Variants in CALN1 observed in about 807,000 individuals in gnomAD.
CALN1 encodes the protein calneuron 1.
A neutral mutation model predicts 30.6 loss-of-function variants in CALN1; 17 were observed. That is an observed-to-expected ratio of 0.56 (90% CI 0.38 to 0.83). The LOEUF is 0.83. Ranked by LOEUF, CALN1 falls within the 40% of genes least tolerant of loss-of-function variation. CALN1 has a pLI of 0.00. For synonymous variants in CALN1, 156 were observed against 131.4 expected, an observed-to-expected ratio of 1.19 and a Z score of -1.28; for missense variants, 291 against 354.9, an observed-to-expected ratio of 0.82 and a Z score of 1.45.
chr7:72,109,919 G>C (rs1158016570), intron 3 of CALN1, among the ~76,000 whole-genome samples: 1 of 152,146 alleles, frequency 6.6e-6, no homozygotes, highest in Non-Finnish European at 1.5e-5. Flanking sequence ...CTCTATAGCA[G>C]GGTTTTACAC....
At chr7:72,367,113 A>T (rs77272510) in intron 2 of CALN1, among the ~76,000 whole-genome samples, 1 of 152,158 alleles carries the variant, frequency 6.6e-6, no homozygotes, top group Admixed American at 6.6e-5. Flanking sequence ...TAATAATAAA[A>T]AAAAACAGGC....
At chr7:72,502,199 G>T in the CALN1 span, among the ~76,000 whole-genome samples, 2 of 149,354 alleles carry the variant, frequency 1.3e-5, no homozygotes, top group African/African-American at 4.9e-5. Context: ...GAGGGACGAG[G>T]TCAGAATATT....
At chr7:72,124,724 CA>C (rs374094874) in intron 3 of CALN1, among the ~76,000 whole-genome samples, 28 of 127,524 alleles carry the variant, frequency 2.2e-4, no homozygotes, top group East Asian at 4.4e-4. Flanking sequence ...ATTGACATAT[CA>C]AAAAAAAAAG....
intron 6 of CALN1, among the ~76,000 whole-genome samples, chr7:71,792,813 T>C (rs1002338037): frequency 1.3e-5 from 2 of 152,036 alleles, no homozygotes; most frequent in African/African-American, 2.4e-5. Context: ...AAACATTGCA[T>C]GACTGGGCTG....
At chr7:72,299,109 TA>T (rs1799071238) in intron 2 of CALN1, among the ~76,000 whole-genome samples, 1 of 152,140 alleles carries the variant, frequency 6.6e-6, no homozygotes, top group Non-Finnish European at 1.5e-5. Context: ...CTCCTTTTCC[TA>T]AACACTTCAC....
At chr7:71,950,415 G>C (rs1796631527) in intron 5 of CALN1, among the ~76,000 whole-genome samples, 1 of 152,132 alleles carries the variant, frequency 6.6e-6, no homozygotes, top group South Asian at 2.1e-4. Context: ...GGATATTGCA[G>C]AGTACTTGCC....
In CALN1 at chr7:72,308,372, G is replaced by GGGGA. The variant is rs373934467; in HGVS notation, c.120-29563_120-29562insTCCC. Among the ~76,000 whole-genome samples, 887 of 92,192 alleles carry GGGGA rather than the reference G, an allele frequency of 9.6e-3. 12 individuals are homozygous for GGGGA. The highest frequency in any genetic ancestry group is 0.015 in the Non-Finnish European group (728 of 49,954). The allele number at this position is 92,192 out of a possible 152,430, so 60.5% of individuals were successfully genotyped here. A position where few individuals can be genotyped will look rare whatever the true frequency, so the allele number is the denominator to read the frequency against. On this transcript the variant is annotated intron_variant, in intron 2 of 6. Transcript: ENST00000395275. ...GAGTGAGATGCTGTCTGTGGGGGGG[G>GGGGA]GAGAGAGAGAGAGAGAGAGAGAGAG... is the stretch of plus-strand genomic sequence containing the variant.
intron 3 of CALN1, among the ~76,000 whole-genome samples, chr7:72,155,677 G>T (rs775582194): frequency 6.6e-6 from 1 of 152,044 alleles, no homozygotes; most frequent in Non-Finnish European, 1.5e-5. Context: ...CCAACCAAGG[G>T]GCAATATATT....
chr7:72,293,687 T>C (rs1259016193), intron 2 of CALN1, among the ~76,000 whole-genome samples: 1 of 152,158 alleles, frequency 6.6e-6, no homozygotes, highest in African/African-American at 2.4e-5. Context: ...TGCATTTCTA[T>C]GTTGATAGCA....
At chr7:72,200,298 G>C (rs954909322) in intron 3 of CALN1, among the ~76,000 whole-genome samples, 3 of 152,098 alleles carry the variant, frequency 2.0e-5, no homozygotes, top group Non-Finnish European at 4.4e-5. Flanking sequence ...GCTGTGCAAC[G>C]ATGGGCAAAT....
intron 3 of CALN1, among the ~76,000 whole-genome samples, chr7:72,112,178 G>A (rs781102852): frequency 7.9e-5 from 12 of 152,106 alleles, no homozygotes; most frequent in African/African-American, 2.2e-4. Context: ...CACAGCTATC[G>A]CAGGGAGGAG....
the CALN1 span, among the ~76,000 whole-genome samples, chr7:72,462,979 G>C: frequency 6.6e-6 from 1 of 152,158 alleles, no homozygotes; most frequent in Non-Finnish European, 1.5e-5. Context: ...ACAATCATGC[G>C]TACTGTTCAG....
chr7:72,058,815 A>G (rs1408448597), intron 4 of CALN1, among the ~76,000 whole-genome samples: 1 of 152,202 alleles, frequency 6.6e-6, no homozygotes, highest in Non-Finnish European at 1.5e-5. Context: ...GTTGCAATGC[A>G]GTGCAAAAGG....
chr7:72,247,413 A>C (rs909383498), intron 3 of CALN1, among the ~76,000 whole-genome samples: 2 of 151,208 alleles, frequency 1.3e-5, no homozygotes, highest in Non-Finnish European at 2.9e-5. Flanking sequence ...ACGCCCAACT[A>C]ATTTTTTGTA....
intron 3 of CALN1, among the ~76,000 whole-genome samples, chr7:72,259,864 T>C (rs1312637806): frequency 6.6e-6 from 1 of 152,214 alleles, no homozygotes. Flanking sequence ...CAAGGCCCAC[T>C]TCTCTCAAAT....
At chr7:71,961,189 T>C (rs1240827769) in intron 5 of CALN1, among the ~76,000 whole-genome samples, 1 of 152,236 alleles carries the variant, frequency 6.6e-6, no homozygotes, top group African/African-American at 2.4e-5. Flanking sequence ...TCTATACCTA[T>C]AATACATAAG....
At chr7:71,815,464 G>C (rs912736551) in intron 5 of CALN1, among the ~76,000 whole-genome samples, 1 of 152,110 alleles carries the variant, frequency 6.6e-6, no homozygotes, top group African/African-American at 2.4e-5. Flanking sequence ...ACACAAAAGA[G>C]GGGCTGCTGC....
chr7:72,086,560 A>G (rs1805495314), intron 4 of CALN1, among the ~76,000 whole-genome samples: 1 of 145,528 alleles, frequency 6.9e-6, no homozygotes, highest in South Asian at 2.2e-4. Flanking sequence ...CTGCCTCCCA[A>G]GTAGCTGGGA....
At chr7:71,961,701 G>A (rs1239193789) in intron 5 of CALN1, among the ~76,000 whole-genome samples, 1 of 152,154 alleles carries the variant, frequency 6.6e-6, no homozygotes, top group Non-Finnish European at 1.5e-5. Context: ...TCTGTAGATT[G>A]CATCTCCTAG....
Sources: gnomAD v4.1 joint callset for allele counts (sites outside exome capture counted in the v4.1 genomes callset) on GRCh38, gnomAD v4.1.1 for gene constraint, MANE v1.5 for transcripts, NCBI Gene and HGNC (gene_info 2026-07-23, HGNC 2026-07-21) for gene names.